Variants in IL36B observed in about 807,000 individuals in gnomAD.
IL36B encodes the protein interleukin 36 beta.
In IL36B, 23 loss-of-function variants were observed where a neutral mutation model predicts 19.3. That is an observed-to-expected ratio of 1.19 (90% CI 0.86 to 1.69). The LOEUF is 1.69. Among genes scored for constraint, IL36B ranks in the 40% most tolerant of loss-of-function variants. The pLI is 0.00. For synonymous variants in IL36B, 59 were observed against 59.7 expected (o/e 0.99, Z 0.05); for missense variants, 217 against 200.5 (o/e 1.08, Z -0.50).
chr2:113,024,156 C>T (rs1684911129), intron 5 of IL36B, among the ~76,000 whole-genome samples: 1 of 152,038 alleles, frequency 6.6e-6, no homozygotes, highest in African/African-American at 2.4e-5. Flanking sequence ...GGGTAAACTC[C>T]CTCTCTACCA....
intron 5 of IL36B, among the ~76,000 whole-genome samples, chr2:113,025,043 A>G (rs1286416299): frequency 8.5e-5 from 13 of 152,194 alleles, no homozygotes; most frequent in African/African-American, 3.1e-4. Flanking sequence ...ATGTGGGGAA[A>G]GGCTTGGACA....
rs182603414 is a variant in IL36B at position 113,047,559 on chromosome 2, T to C, written c.-58+5258A>G. 1.2e-3 allele frequency among the ~76,000 whole-genome samples: 189 copies of C among 152,278 alleles called. 1 individual carries two copies. The highest frequency in any genetic ancestry group is 2.0e-3 in the Non-Finnish European group (138 of 67,994). On this transcript the variant is annotated intron_variant, in intron 1 of 5. Transcript: ENST00000259213. ...TTTGATAGGTTGAACCTGAGAAGCA[T>C]TTAGTTTAGGTCTAGTTATTTTCCA...
Position 113,028,955 on chromosome 2 carries a change from G to A in IL36B, c.245C>T (p.Pro82Leu). The A allele has an allele frequency of 6.2e-7, 1 of 1,614,074 alleles. No individual in the cohort carries two copies. The highest frequency in any genetic ancestry group is 8.5e-7 in the Non-Finnish European group (1 of 1,179,960). Reference sequence around the variant, plus strand: ...ATCACTCACCTTAAGCTGCAAAGTAGGCTTGCCCTGAATTTCTGCACAGAA... The same window carrying A: ...ATCACTCACCTTAAGCTGCAAAGTAAGCTTGCCCTGAATTTCTGCACAGAA... Residue 82 changes from proline (P) to leucine (L), a missense_variant, in exon 4 of 6, where the codon CCT (proline) becomes CTT (leucine). By Grantham distance (98) the Pro-to-Leu change is moderately conservative. Transcript: ENST00000259213.
chr2:113,029,132 TCAGTTACTC>T lies in IL36B; in HGVS notation c.122-63_122-55del, dbSNP rs2105042520. On this transcript the variant is annotated intron_variant, in intron 3 of 5. Coordinates refer to ENST00000259213, the MANE Select transcript of IL36B (RefSeq NM_014438.5). ...TGTTTCAGTCTTTCTGGTCTGACAC[TCAGTTACTC>T]CCCCCAGGTAGGGAATAGTGACAGG... 4 of 1,561,922 alleles carry T rather than the reference TCAGTTACTC, an allele frequency of 2.6e-6. No individual in the cohort carries two copies. In the East Asian group the frequency reaches 9.0e-5, roughly 35 times the overall value.
At chr2:113,024,817 T>G (rs964942778) in intron 5 of IL36B, among the ~76,000 whole-genome samples, 15 of 152,252 alleles carry the variant, frequency 9.9e-5, no homozygotes, top group African/African-American at 3.6e-4. Context: ...AGATTCTTTC[T>G]GCACATTTAG....
chr2:113,035,233 A>G (rs986542748), intron 1 of IL36B, among the ~76,000 whole-genome samples: 1 of 152,206 alleles, frequency 6.6e-6, no homozygotes, highest in Non-Finnish European at 1.5e-5. Context: ...TCTGGGATCT[A>G]TTCAGGTCCT....
chr2:113,050,387 C>A (rs532812553), intron 1 of IL36B, among the ~76,000 whole-genome samples: 1 of 151,624 alleles, frequency 6.6e-6, no homozygotes, highest in East Asian at 1.9e-4. Context: ...ATATGAGGCG[C>A]CTAAAGCAGT....
At chr2:113,046,208 CTTTTTTTTT>C (rs1179343491) in intron 1 of IL36B, among the ~76,000 whole-genome samples, 2 of 11,190 alleles carry the variant, frequency 1.8e-4, no homozygotes, top group African/African-American at 3.9e-4. Flanking sequence ...CAGGTTTTTT[CTTTTTTTTT>C]TTTTTTTTTT....
intron 1 of IL36B, among the ~76,000 whole-genome samples, chr2:113,038,567 G>T (rs1045766958): frequency 1.3e-5 from 2 of 152,222 alleles, no homozygotes; most frequent in African/African-American, 4.8e-5. Context: ...GGTAGTTTGT[G>T]CAGAGTGAGA....
In IL36B at chr2:113,030,340, A is replaced by C. The variant is rs76386187; in HGVS notation, c.121+708T>G. 1.4e-3 allele frequency among the ~76,000 whole-genome samples: 211 copies of C among 152,166 alleles called. 5 individuals are homozygous for C. The East Asian group carries it at 0.031, about 22-fold the overall frequency. On this transcript the variant is annotated intron_variant, in intron 3 of 5. Transcript: ENST00000259213. ...GACCAAGAAGTGTCCTTTGGGTTTG[A>C]GTATTTGAAGGTCATGGGTGAAATA...
At chr2:113,027,698 TC>T (rs1294305545) in intron 4 of IL36B, 1 of 1,407,410 alleles carries the variant, frequency 7.1e-7, no homozygotes, top group African/African-American at 1.4e-5. Context: ...TTTTTAGGTT[TC>T]ATCTTGGGAT....
intron 5 of IL36B, chr2:113,025,957 A>T: frequency 1.5e-6 from 2 of 1,302,086 alleles, no homozygotes; most frequent in Non-Finnish European, 2.1e-6. Flanking sequence ...GAAGTGAGAG[A>T]AGTCAATTCA....
chr2:113,041,492 T>C (rs1402265921), intron 1 of IL36B, among the ~76,000 whole-genome samples: 1 of 152,156 alleles, frequency 6.6e-6, no homozygotes, highest in Non-Finnish European at 1.5e-5. Context: ...ACCTTAGCGC[T>C]TTTAGAGAAA....
chr2:113,040,312 G>T (rs1291163591), intron 1 of IL36B, among the ~76,000 whole-genome samples: 1 of 152,218 alleles, frequency 6.6e-6, no homozygotes, highest in Non-Finnish European at 1.5e-5. Context: ...ACTTAATGGT[G>T]AAAGAATTGA....
chr2:113,045,339 T>A (rs1045850173), intron 1 of IL36B, among the ~76,000 whole-genome samples: 1 of 152,202 alleles, frequency 6.6e-6, no homozygotes, highest in Non-Finnish European at 1.5e-5. Context: ...TCTGCCGTCA[T>A]CCTTCTTTTT....
At chr2:113,047,775 G>A (rs1478583169) in intron 1 of IL36B, among the ~76,000 whole-genome samples, 1 of 152,106 alleles carries the variant, frequency 6.6e-6, no homozygotes, top group Non-Finnish European at 1.5e-5. Flanking sequence ...GGTCCTTGTG[G>A]TAGACTTAAA....
In IL36B at chr2:113,044,547, T is replaced by C. The variant is rs190225523; in HGVS notation, c.-58+8270A>G. ...TAATATAGCCACTCCAACTTGCTTT[T>C]TATTGGTGTTAACATGGTATATCAT... On this transcript the variant is annotated intron_variant, in intron 1 of 5. Coordinates refer to ENST00000259213, the MANE Select transcript of IL36B (RefSeq NM_014438.5). 1.1e-3 allele frequency among the ~76,000 whole-genome samples: 162 copies of C among 152,296 alleles called. 2 individuals are homozygous for C. Among genetic ancestry groups the C allele is most frequent in the Non-Finnish European group, 3.2e-4 (22 of 68,022 alleles).
Position 113,022,536 on chromosome 2 carries a change from A to T in IL36B, c.*138T>A. ...TAAGATTTACCAACTCTTTAAAAATACATAGTGTCCTTGTTTTACAAACTC... is the reference window on the plus strand; with the variant it reads ...TAAGATTTACCAACTCTTTAAAAATTCATAGTGTCCTTGTTTTACAAACTC... On this transcript the variant is annotated 3_prime_UTR_variant, in exon 6 of 6. Transcript: ENST00000259213. The T allele has an allele frequency of 1.7e-6, 1 of 603,794 alleles. No homozygotes were observed. Among genetic ancestry groups the T allele is most frequent in the East Asian group, 2.9e-5 (1 of 35,014 alleles). 37.4% of individuals were successfully genotyped at this position (603,794 alleles called of 1,614,324 possible). A position where few individuals can be genotyped will look rare whatever the true frequency, so the allele number is the denominator to read the frequency against.
chr2:113,049,521 A>G (rs1001514808), intron 1 of IL36B, among the ~76,000 whole-genome samples: 4 of 152,254 alleles, frequency 2.6e-5, no homozygotes, highest in Non-Finnish European at 5.9e-5. Context: ...CTAATAGCCA[A>G]TAAGCACATG....
Sources: gnomAD v4.1 joint callset for allele counts (sites outside exome capture counted in the v4.1 genomes callset) on GRCh38, gnomAD v4.1.1 for gene constraint, MANE v1.5 for transcripts, NCBI Gene and HGNC (gene_info 2026-07-23, HGNC 2026-07-21) for gene names.